Variants in TBX4 observed in about 807,000 individuals in gnomAD.
TBX4 encodes the protein T-box transcription factor 4.
TBX4 carries 13 observed loss-of-function variants against 54.6 expected under a neutral mutation model. The observed-to-expected ratio is 0.24, with a 90% CI of 0.15 to 0.38. The LOEUF is 0.38. Ranked by LOEUF, TBX4 falls within the 10% of genes least tolerant of loss-of-function variation. The pLI, the probability that TBX4 is intolerant of heterozygous loss-of-function variation, is 1.00. For synonymous variants in TBX4, 314 were observed against 306.7 expected (o/e 1.02, Z -0.25); for missense variants, 631 against 728.5 (o/e 0.87, Z 1.54).
intron 3 of TBX4, chr17:61,463,060 C>T (rs1193383233): frequency 1.3e-5 from 2 of 152,334 alleles, no homozygotes; most frequent in South Asian, 2.1e-4. Flanking sequence ...ACAGGCAGCC[C>T]TTTCCCAACG....
chr17:61,474,147 G>T lies in TBX4; in HGVS notation c.550-4480G>T. The stretch of plus-strand genomic sequence containing the variant: ...GAGGATCAGAAGGATGATGGAGAAG[G>T]TAGTCACAGAAAATAAAATTATGAT... On this transcript the variant is annotated intron_variant, in intron 5 of 8. Coordinates refer to ENST00000644296, the MANE Select transcript of TBX4 (RefSeq NM_001321120.2). The surrounding 1 kb of genome is among the most constrained non-coding windows in gnomAD (Gnocchi z 4.6). Among the ~76,000 whole-genome samples the T allele has an allele frequency of 6.6e-6, 1 of 152,288 alleles. No individual in the cohort carries two copies. Among genetic ancestry groups the T allele is most frequent in the East Asian group, 1.9e-4 (1 of 5,190 alleles).
rs1211512902 is a variant in TBX4 at position 61,461,917 on chromosome 17, G to A, written c.282-3902G>A. Reference sequence around the variant, plus strand: ...GGGTTGGGGCTTGGGGGACCCTCCAGGTGGAGAGAATCTAGGGGTATCCCC... The same window carrying A: ...GGGTTGGGGCTTGGGGGACCCTCCAAGTGGAGAGAATCTAGGGGTATCCCC... On this transcript the variant is annotated intron_variant, in intron 3 of 8. Coordinates refer to ENST00000644296, the MANE Select transcript of TBX4 (RefSeq NM_001321120.2). This position sits in a 1 kb window ranked among gnomAD's most constrained non-coding sequence, Gnocchi z 5.1. 2.0e-5 allele frequency among the ~76,000 whole-genome samples: 3 copies of A among 152,158 alleles called. No individual in the cohort carries two copies. Among genetic ancestry groups the A allele is most frequent in the Non-Finnish European group, 2.9e-5 (2 of 68,008 alleles).
At position 61,478,450 on chromosome 17, in the gene TBX4, G is replaced by C. The variant is rs1244266459; in HGVS notation, c.550-177G>C. ...GCTAAGTAGGGCTGGGGTGGGGAGA[G>C]TTTGGGGCCCAGGGGCCTGGTTCTT... On this transcript the variant is annotated intron_variant, in intron 5 of 8. Coordinates refer to ENST00000644296, the MANE Select transcript of TBX4 (RefSeq NM_001321120.2). The surrounding 1 kb of genome is among the most constrained non-coding windows in gnomAD (Gnocchi z 7.4). 2 of 784,792 alleles carry C rather than the reference G, an allele frequency of 2.5e-6. No homozygotes were observed. Among genetic ancestry groups the C allele is most frequent in the Non-Finnish European group, 4.2e-6 (2 of 481,614 alleles). The allele number at this position is 784,792 out of a possible 1,614,324, so 48.6% of individuals were successfully genotyped here.
rs1392280499 is a variant in TBX4, at chr17:61,472,895, C to T, written c.549+5238C>T. ...TGCCTTATTTCTGAACACTAAATCCCTATATGAATGTGTGCCTGTTCACAC... is the reference window on the plus strand; with the variant it reads ...TGCCTTATTTCTGAACACTAAATCCTTATATGAATGTGTGCCTGTTCACAC... On this transcript the variant is annotated intron_variant, in intron 5 of 8. Coordinates refer to ENST00000644296, the MANE Select transcript of TBX4 (RefSeq NM_001321120.2). The surrounding 1 kb of genome is among the most constrained non-coding windows in gnomAD (Gnocchi z 4.5). Among the ~76,000 whole-genome samples the T allele has an allele frequency of 6.6e-6, 1 of 151,926 alleles. No homozygotes were observed. The highest frequency in any genetic ancestry group is 1.5e-5 in the Non-Finnish European group (1 of 68,016).
rs2060609928 is a variant in TBX4 at position 61,475,038 on chromosome 17, A to G, written c.550-3589A>G. On this transcript the variant is annotated intron_variant, in intron 5 of 8. Coordinates refer to ENST00000644296, the MANE Select transcript of TBX4 (RefSeq NM_001321120.2). The surrounding 1 kb of genome is among the most constrained non-coding windows in gnomAD (Gnocchi z 5.0). ...CTTGCTCAGGACTTGACGCTGGTGA[A>G]CAGAGATCATGACGGCGTCTGCACC... Among the ~76,000 whole-genome samples, 1 of 152,218 alleles carries G rather than the reference A, an allele frequency of 6.6e-6. No individual in the cohort carries two copies. The highest frequency in any genetic ancestry group is 2.1e-4 in the South Asian group (1 of 4,826).
chr17:61,473,205 T>G (rs1007255043), intron 5 of TBX4, among the ~76,000 whole-genome samples: 2 of 152,184 alleles, frequency 1.3e-5, no homozygotes, highest in Admixed American at 6.5e-5. Context: ...CCCTGCACGT[T>G]TCTTGTTAGG....
Position 61,480,304 on chromosome 17 carries a change from T to C in TBX4, c.1006T>C (p.Cys336Arg). 1 of 1,613,420 alleles carries C rather than the reference T, an allele frequency of 6.2e-7. No homozygotes were observed. The highest frequency in any genetic ancestry group is 2.2e-5 in the East Asian group (1 of 44,842). The change falls in exon 8 of 9, where the codon TGC (cysteine) becomes CGC (arginine). Residue 336 changes from cysteine (C) to arginine (R), a missense_variant. Around this residue, in one of 3 missense-constraint regions of TBX4, gnomAD observed 354 missense variants for 368.9 expected, o/e 0.96. Transcript: ENST00000644296. The surrounding 1 kb of genome is among the most constrained non-coding windows in gnomAD (Gnocchi z 6.2). ...TQRDSSLFYHCLKRRADGTRH... is the reference protein window; with the variant it reads ...TQRDSSLFYHRLKRRADGTRH... ...GAGGGACTCAAGCCTCTTCTATCAC[T>C]GCCTGAAAAGACGAGGTAGGGCTCT... is the stretch of plus-strand genomic sequence containing the variant.
chr17:61,473,843 A>G (rs749950466), intron 5 of TBX4, among the ~76,000 whole-genome samples: 1 of 152,224 alleles, frequency 6.6e-6, no homozygotes, highest in Non-Finnish European at 1.5e-5. Flanking sequence ...CACATAAGCT[A>G]TGCTCAGTAA....
At position 61,457,169 on chromosome 17, in the gene TBX4, A is replaced by G. The variant is rs1330933210; in HGVS notation, c.187-368A>G. Among the ~76,000 whole-genome samples, 1 of 152,038 alleles carries G rather than the reference A, an allele frequency of 6.6e-6. No homozygotes were observed. Among genetic ancestry groups the G allele is most frequent in the Non-Finnish European group, 1.5e-5 (1 of 67,978 alleles). ...CTGGGGATCTGTGTGCACTATCTGC[A>G]GGCGCGCGCCTGGCCGAGGGTGCGT... On this transcript the variant is annotated intron_variant, in intron 2 of 8. Coordinates refer to ENST00000644296, the MANE Select transcript of TBX4 (RefSeq NM_001321120.2). The surrounding 1 kb of genome is among the most constrained non-coding windows in gnomAD (Gnocchi z 8.2).
At position 61,475,051 on chromosome 17, in the gene TBX4, C is replaced by T. The variant is rs8079367; in HGVS notation, c.550-3576C>T. Among the ~76,000 whole-genome samples, 23,673 of 152,184 alleles carry T rather than the reference C, an allele frequency of 0.16. 1,974 individuals carry two copies. The highest frequency in any genetic ancestry group is 0.19 in the Middle Eastern group (56 of 294). ...TGACGCTGGTGAACAGAGATCATGA[C>T]GGCGTCTGCACCCTTCTTGACTTCT... On this transcript the variant is annotated intron_variant, in intron 5 of 8. Coordinates refer to ENST00000644296, the MANE Select transcript of TBX4 (RefSeq NM_001321120.2). This position sits in a 1 kb window ranked among gnomAD's most constrained non-coding sequence, Gnocchi z 5.0.
chr17:61,469,427 G>A (rs1201854316), intron 5 of TBX4, among the ~76,000 whole-genome samples: 3 of 152,186 alleles, frequency 2.0e-5, no homozygotes, highest in Non-Finnish European at 2.9e-5. Context: ...CCTGCCTGGC[G>A]CTTCCCTTGC....
chr17:61,479,313 G>A lies in TBX4; in HGVS notation c.702+534G>A, dbSNP rs1001529201. Among the ~76,000 whole-genome samples, 8 of 152,156 alleles carry A rather than the reference G, an allele frequency of 5.3e-5. No individual in the cohort carries two copies. The highest frequency in any genetic ancestry group is 8.8e-5 in the Non-Finnish European group (6 of 68,022). ...CACTGCATCCCAGTCACTGACAGCC[G>A]TGCTCTGCCGCCCGTCTGCTTTCCA... is the stretch of plus-strand genomic sequence containing the variant. On this transcript the variant is annotated intron_variant, in intron 6 of 8. Transcript: ENST00000644296. The surrounding 1 kb of genome is among the most constrained non-coding windows in gnomAD (Gnocchi z 6.1).
chr17:61,456,712 G>A (rs1388620427), intron 2 of TBX4, 36 bp downstream of exon 2: 9 of 1,351,354 alleles, frequency 6.7e-6, no homozygotes, highest in Admixed American at 3.2e-5. Flanking sequence ...GAAGTCGGGC[G>A]TCGGTCTGTC....
rs1418218349 is a variant in TBX4 at position 61,465,803 on chromosome 17, C to G, written c.282-16C>G. The G allele has an allele frequency of 3.1e-6, 5 of 1,613,672 alleles. No individual in the cohort carries two copies. Among genetic ancestry groups the G allele is most frequent in the Admixed American group, 1.7e-5 (1 of 59,994 alleles). On this transcript the variant is annotated splice_polypyrimidine_tract_variant and intron_variant, in intron 3 of 8. Coordinates refer to ENST00000644296, the MANE Select transcript of TBX4 (RefSeq NM_001321120.2). The surrounding 1 kb of genome is among the most constrained non-coding windows in gnomAD (Gnocchi z 4.9). Reference sequence around the variant, plus strand: ...GCTCTGTCCACACGCTCCGCCTCACCCCTCGGCTCCCCCAGGAGGATGTTC... The same window carrying G: ...GCTCTGTCCACACGCTCCGCCTCACGCCTCGGCTCCCCCAGGAGGATGTTC...
At chr17:61,452,908 G>A (rs865971760) in intron 1 of TBX4, 77 of 985,384 alleles carry the variant, frequency 7.8e-5, no homozygotes, top group Middle Eastern at 1.0e-3. Flanking sequence ...GCGGAGCGGT[G>A]GCCTGGAAAT....
intron 1 of TBX4, chr17:61,452,969 C>G (rs2060424787): frequency 3.0e-6 from 3 of 985,228 alleles, no homozygotes; most frequent in Non-Finnish European, 2.4e-6. Context: ...GGTACTGGAG[C>G]GAAAATCCGT....
intron 1 of TBX4, among the ~76,000 whole-genome samples, chr17:61,456,197 T>G (rs1052537633): frequency 2.0e-5 from 3 of 152,146 alleles, no homozygotes; most frequent in Non-Finnish European, 4.4e-5. Flanking sequence ...GCTGTGGCAA[T>G]GCCGAGAGGG....
In TBX4 at chr17:61,465,179, C is replaced by T. The variant is rs921916301; in HGVS notation, c.282-640C>T. Among the ~76,000 whole-genome samples, 1 of 152,182 alleles carries T rather than the reference C, an allele frequency of 6.6e-6. No individual in the cohort carries two copies. The highest frequency in any genetic ancestry group is 1.5e-5 in the Non-Finnish European group (1 of 68,034). On this transcript the variant is annotated intron_variant, in intron 3 of 8. Coordinates refer to ENST00000644296, the MANE Select transcript of TBX4 (RefSeq NM_001321120.2). The surrounding 1 kb of genome is among the most constrained non-coding windows in gnomAD (Gnocchi z 4.9). ...CGACTTTCCCCTGATACTCAGGGTG[C>T]ACAGGTCCAGGTGAGGTGTTCACAG...
At position 61,478,552 on chromosome 17, in the gene TBX4, C is replaced by A; in HGVS notation, c.550-75C>A. On this transcript the variant is annotated intron_variant, in intron 5 of 8. Transcript: ENST00000644296. This position sits in a 1 kb window ranked among gnomAD's most constrained non-coding sequence, Gnocchi z 7.4. ...GAGAATGAGAAAAACCAGGCCAGGG[C>A]CAGAAGAATGAGGTCAAGGGCCTGG... 6.3e-7 allele frequency: 1 copy of A among 1,599,150 alleles called. No individual in the cohort carries two copies. The highest frequency in any genetic ancestry group is 1.1e-5 in the South Asian group (1 of 90,694).
Sources: gnomAD v4.1 joint callset for allele counts (sites outside exome capture counted in the v4.1 genomes callset) on GRCh38, gnomAD v4.1.1 for gene constraint, gnomAD v4.1.1 regional missense constraint, Gnocchi (gnomAD v3.1) non-coding constraint, MANE v1.5 for transcripts, NCBI Gene and HGNC (gene_info 2026-07-23, HGNC 2026-07-21) for gene names.